Variants in ADAMTS17 observed in about 807,000 individuals in gnomAD.
The protein encoded by ADAMTS17 is ADAM metallopeptidase with thrombospondin type 1 motif 17.
In ADAMTS17, 113 loss-of-function variants were observed where a neutral mutation model predicts 141.5. The ratio of observed to expected loss-of-function variants is 0.80; its 90% CI spans 0.69 to 0.93. ADAMTS17 has a LOEUF of 0.93. ADAMTS17 is among the 40% of genes least tolerant of loss of function. ADAMTS17 has a pLI of 0.00. For synonymous variants in ADAMTS17, 768 were observed against 630.6 expected (o/e 1.22, Z -3.27); for missense variants, 1,659 against 1,517.9 (o/e 1.09, Z -1.54).
chr15:100,205,611 C>G (rs1314978878), intron 7 of ADAMTS17, among the ~76,000 whole-genome samples: 2 of 152,170 alleles, frequency 1.3e-5, no homozygotes, highest in African/African-American at 4.8e-5. Flanking sequence ...GAAACAGGCC[C>G]TGATGCCCAC....
chr15:100,023,089 G>A (rs994628987), intron 18 of ADAMTS17, among the ~76,000 whole-genome samples: 1 of 152,148 alleles, frequency 6.6e-6, no homozygotes, highest in African/African-American at 2.4e-5. Context: ...CTGGCTGGCT[G>A]CCATTCTGCC....
intron 7 of ADAMTS17, among the ~76,000 whole-genome samples, chr15:100,233,479 C>T (rs974349770): frequency 2.6e-5 from 4 of 152,134 alleles, no homozygotes; most frequent in Non-Finnish European, 5.9e-5. Context: ...CATTACAGGG[C>T]AGATGGGCAA....
intron 4 of ADAMTS17, among the ~76,000 whole-genome samples, chr15:100,267,519 A>G (rs962413991): frequency 4.6e-5 from 7 of 152,120 alleles, no homozygotes; most frequent in African/African-American, 1.4e-4. Flanking sequence ...AAATGAATAT[A>G]TATTTATAAT....
chr15:100,180,163 T>C (rs1042774725), intron 8 of ADAMTS17, among the ~76,000 whole-genome samples: 2 of 152,246 alleles, frequency 1.3e-5, no homozygotes, highest in Non-Finnish European at 2.9e-5. Context: ...AGGTCTTAGA[T>C]TTAAGTCTTT....
intron 7 of ADAMTS17, among the ~76,000 whole-genome samples, chr15:100,224,052 T>C (rs961976803): frequency 1.8e-4 from 28 of 152,112 alleles, no homozygotes; most frequent in African/African-American, 6.0e-4. Context: ...TTATATTCAC[T>C]GGAAGCTGAT....
At chr15:100,108,318 C>T (rs1035675625) in intron 14 of ADAMTS17, among the ~76,000 whole-genome samples, 7 of 152,026 alleles carry the variant, frequency 4.6e-5, no homozygotes, top group Non-Finnish European at 5.9e-5. Flanking sequence ...ATTACAAGCG[C>T]ATGCCACCAT....
At chr15:100,214,274 G>A (rs577515682) in intron 7 of ADAMTS17, among the ~76,000 whole-genome samples, 26 of 152,246 alleles carry the variant, frequency 1.7e-4, no homozygotes, top group African/African-American at 6.3e-4. Flanking sequence ...TTGTGAAGAA[G>A]GTTCTACCTT....
chr15:100,330,264 G>C (rs552785157), intron 3 of ADAMTS17, among the ~76,000 whole-genome samples: 1 of 152,300 alleles, frequency 6.6e-6, no homozygotes, highest in South Asian at 2.1e-4. Context: ...GGATGTTGGG[G>C]GACAGGCCAG....
chr15:100,032,582 G>A (rs947545907), intron 18 of ADAMTS17, among the ~76,000 whole-genome samples: 10 of 152,184 alleles, frequency 6.6e-5, no homozygotes, highest in Admixed American at 6.5e-4. Context: ...TGCCACTACA[G>A]TACTGTCTGA....
At chr15:100,004,432 C>G (rs1472053015) in intron 18 of ADAMTS17, among the ~76,000 whole-genome samples, 3 of 152,178 alleles carry the variant, frequency 2.0e-5, no homozygotes, top group Non-Finnish European at 4.4e-5. Flanking sequence ...CCACCACAGT[C>G]AAATCACGTT....
At chr15:100,073,137 A>C (rs1247102026) in intron 15 of ADAMTS17, among the ~76,000 whole-genome samples, 2 of 152,260 alleles carry the variant, frequency 1.3e-5, no homozygotes, top group Admixed American at 1.3e-4. Context: ...GAAGACATTT[A>C]TGCAGCCAAC....
intron 7 of ADAMTS17, among the ~76,000 whole-genome samples, chr15:100,204,469 A>T (rs958013519): frequency 1.3e-5 from 2 of 152,242 alleles, no homozygotes; most frequent in African/African-American, 4.8e-5. Flanking sequence ...CTCATTGACA[A>T]GTCCTTGTGT....
At chr15:100,233,843 G>A (rs147132959) in intron 7 of ADAMTS17, among the ~76,000 whole-genome samples, 1 of 152,062 alleles carries the variant, frequency 6.6e-6, no homozygotes, top group African/African-American at 2.4e-5. Context: ...GGAAGGAGGA[G>A]GCTGAGGCAG....
chr15:100,240,388 T>A (rs979287088), intron 7 of ADAMTS17, among the ~76,000 whole-genome samples: 1 of 152,214 alleles, frequency 6.6e-6, no homozygotes, highest in Admixed American at 6.5e-5. Flanking sequence ...TAGCAACATA[T>A]GCCACTGTGG....
At chr15:100,013,954 G>A (rs919408390) in intron 18 of ADAMTS17, among the ~76,000 whole-genome samples, 2 of 152,154 alleles carry the variant, frequency 1.3e-5, no homozygotes, top group Admixed American at 1.3e-4. Flanking sequence ...GTGTCACAAG[G>A]AATGGCACCA....
chr15:100,230,739 T>A (rs531502386), intron 7 of ADAMTS17, among the ~76,000 whole-genome samples: 53 of 152,270 alleles, frequency 3.5e-4, no homozygotes, highest in African/African-American at 1.2e-3. Flanking sequence ...AAGGCACCAA[T>A]AGTGGGTAAC....
intron 8 of ADAMTS17, among the ~76,000 whole-genome samples, chr15:100,182,646 G>A (rs988818593): frequency 3.3e-5 from 5 of 152,194 alleles, no homozygotes; most frequent in African/African-American, 1.2e-4. Flanking sequence ...GTGCTCACTT[G>A]ATTTTTGATT....
chr15:100,052,447 G>C (rs1488622286), intron 16 of ADAMTS17, among the ~76,000 whole-genome samples: 1 of 152,222 alleles, frequency 6.6e-6, no homozygotes, highest in African/African-American at 2.4e-5. Context: ...CTTCAGTTAC[G>C]GTAGTAGTTG....
chr15:100,032,377 T>C (rs2030262152), intron 18 of ADAMTS17, among the ~76,000 whole-genome samples: 1 of 152,182 alleles, frequency 6.6e-6, no homozygotes, highest in Non-Finnish European at 1.5e-5. Flanking sequence ...TTATGTTAGA[T>C]ATGTCCTGAA....
Sources: gnomAD v4.1 joint callset for allele counts (sites outside exome capture counted in the v4.1 genomes callset) on GRCh38, gnomAD v4.1.1 for gene constraint, MANE v1.5 for transcripts, NCBI Gene and HGNC (gene_info 2026-07-23, HGNC 2026-07-21) for gene names.